FARP1: variants seen among roughly 807,000 people sequenced by gnomAD.
FARP1 encodes the protein FERM, ARHGEF and pleckstrin domain-containing protein 1.
In FARP1, 52 loss-of-function variants were observed where a neutral mutation model predicts 128.8. The ratio of observed to expected loss-of-function variants is 0.40; its 90% CI spans 0.32 to 0.51. The LOEUF (loss-of-function observed/expected upper bound fraction) is 0.51, where lower values mean the gene tolerates loss of function less well. FARP1 is among the 20% of genes least tolerant of loss of function. The probability of loss-of-function intolerance (pLI) is 0.45; values close to 1 mark genes in which losing one functional copy is unlikely to be tolerated. For missense variants in FARP1, 1,333 were observed against 1,367.9 expected (o/e 0.97, Z 0.40); for synonymous variants, 580 against 551.8 (o/e 1.05, Z -0.72).
intron 3 of FARP1, among the ~76,000 whole-genome samples, chr13:98,347,408 C>T (rs1247791782): frequency 6.6e-6 from 1 of 152,102 alleles, no homozygotes; most frequent in East Asian, 1.9e-4. Flanking sequence ...TGAAGAACTC[C>T]CCAGTTCCCC....
intron 9 of FARP1, 56 bp downstream of exon 9, chr13:98,388,534 T>C (rs1890186017): frequency 4.5e-6 from 6 of 1,336,312 alleles, no homozygotes; most frequent in East Asian, 4.6e-5. Flanking sequence ...GCGTGTGTCC[T>C]GCAAGGGGTG....
At chr13:98,447,946 T>C (rs1892957498) in intron 26 of FARP1, 1 of 455,418 alleles carries the variant, frequency 2.2e-6, no homozygotes, top group South Asian at 3.0e-5. Flanking sequence ...GGAGGTAGCG[T>C]TCTCCCCAGC....
At chr13:98,241,427 G>C (rs1252853542) in intron 2 of FARP1, among the ~76,000 whole-genome samples, 1 of 152,174 alleles carries the variant, frequency 6.6e-6, no homozygotes, top group African/African-American at 2.4e-5. Context: ...ACATGGAAGA[G>C]ACCACCTCTC....
chr13:98,201,707 C>CT (rs1318267261), intron 1 of FARP1, among the ~76,000 whole-genome samples: 1 of 152,138 alleles, frequency 6.6e-6, no homozygotes, highest in East Asian at 1.9e-4. Context: ...CTCTTTTGCT[C>CT]TGAGTTTTCC....
chr13:98,350,198 A>T (rs2139903342), intron 3 of FARP1, among the ~76,000 whole-genome samples: 1 of 152,318 alleles, frequency 6.6e-6, no homozygotes, highest in East Asian at 1.9e-4. Context: ...GCTCCCCTCA[A>T]GCAGAGAGTC....
chr13:98,247,352 C>T (rs889813310), intron 2 of FARP1, among the ~76,000 whole-genome samples: 1 of 152,226 alleles, frequency 6.6e-6, no homozygotes, highest in Admixed American at 6.5e-5. Context: ...TTCCACACCC[C>T]TGGCTGGGCC....
chr13:98,376,548 C>T (rs1254327840), intron 5 of FARP1, among the ~76,000 whole-genome samples: 2 of 152,158 alleles, frequency 1.3e-5, no homozygotes, highest in African/African-American at 4.8e-5. Context: ...TCCTCCAAAT[C>T]TTGGCTGTTG....
chr13:98,334,155 G>C (rs1299317056), intron 2 of FARP1: 2 of 152,104 alleles, frequency 1.3e-5, no homozygotes, highest in African/African-American at 2.4e-5. Context: ...TGTGACTTTG[G>C]GCACTCCGTT....
At chr13:98,240,255 A>G (rs1482956827) in intron 2 of FARP1, among the ~76,000 whole-genome samples, 3 of 152,190 alleles carry the variant, frequency 2.0e-5, no homozygotes, top group Admixed American at 2.0e-4. Flanking sequence ...GCGATGACGA[A>G]TGAATGATTA....
intron 1 of FARP1, among the ~76,000 whole-genome samples, chr13:98,164,694 C>T (rs1170579672): frequency 6.6e-6 from 1 of 152,174 alleles, no homozygotes; most frequent in East Asian, 1.9e-4. Context: ...CTGGCTTCCT[C>T]CTCCACCATC....
intron 16 of FARP1, among the ~76,000 whole-genome samples, chr13:98,415,877 C>T (rs1046541079): frequency 1.3e-4 from 20 of 152,264 alleles, no homozygotes; most frequent in African/African-American, 4.6e-4. Context: ...GTCACACCCC[C>T]GCCATGGGGC....
chr13:98,361,237 C>G (rs1305427859), intron 3 of FARP1, among the ~76,000 whole-genome samples: 1 of 152,220 alleles, frequency 6.6e-6, no homozygotes, highest in African/African-American at 2.4e-5. Flanking sequence ...CATCCTCACC[C>G]AGCCTGGTTG....
intron 2 of FARP1, among the ~76,000 whole-genome samples, chr13:98,231,312 A>G (rs528895206): frequency 6.6e-6 from 1 of 152,248 alleles, no homozygotes; most frequent in South Asian, 2.1e-4. Context: ...TAAAAAAAAA[A>G]TACTCTGGAC....
At chr13:98,213,173 G>T in intron 1 of FARP1, 47 bp from the exon 2 acceptor site, 1 of 1,498,084 alleles carries the variant, frequency 6.7e-7, no homozygotes, top group Non-Finnish European at 9.1e-7. Context: ...AGCTTGGGTG[G>T]TAGTCTCCTA....
chr13:98,443,580 G>C (rs1366323387), intron 24 of FARP1, among the ~76,000 whole-genome samples: 1 of 152,216 alleles, frequency 6.6e-6, no homozygotes, highest in Non-Finnish European at 1.5e-5. Flanking sequence ...CGTCTGACTC[G>C]TGTAGGCACA....
At chr13:98,356,472 C>T (rs1221327052) in intron 3 of FARP1, among the ~76,000 whole-genome samples, 3 of 152,146 alleles carry the variant, frequency 2.0e-5, no homozygotes, top group Non-Finnish European at 4.4e-5. Context: ...TGAAATGTCA[C>T]TATGCGGTGC....
intron 17 of FARP1, among the ~76,000 whole-genome samples, chr13:98,429,329 G>T (rs1383112581): frequency 1.3e-5 from 2 of 152,180 alleles, no homozygotes; most frequent in Non-Finnish European, 2.9e-5. Flanking sequence ...GGCGGTCAGT[G>T]GGTGGCTCAG....
intron 2 of FARP1, among the ~76,000 whole-genome samples, chr13:98,278,772 T>C (rs1884789086): frequency 6.6e-6 from 1 of 152,160 alleles, no homozygotes; most frequent in East Asian, 1.9e-4. Flanking sequence ...TGAAGGTGTT[T>C]TGATACCTGC....
intron 2 of FARP1, among the ~76,000 whole-genome samples, chr13:98,283,031 T>A (rs945043815): frequency 1.3e-5 from 2 of 152,230 alleles, no homozygotes; most frequent in African/African-American, 4.8e-5. Flanking sequence ...TTTACTGAAA[T>A]AATCATGCTT....
Sources: gnomAD v4.1 joint callset for allele counts (sites outside exome capture counted in the v4.1 genomes callset) on GRCh38, gnomAD v4.1.1 for gene constraint, MANE v1.5 for transcripts, NCBI Gene and HGNC (gene_info 2026-07-23, HGNC 2026-07-21) for gene names.